The following RALGPS1 variants were observed in gnomAD, a reference collection of about 807,000 sequenced individuals.
The protein encoded by RALGPS1 is Ral GEF with PH domain and SH3 binding motif 1, also known as ras-specific guanine nucleotide-releasing factor RalGPS1.
In RALGPS1, 19 loss-of-function variants were observed where a neutral mutation model predicts 78.8. The ratio of observed to expected loss-of-function variants is 0.24; its 90% CI spans 0.17 to 0.35. The LOEUF (loss-of-function observed/expected upper bound fraction) is 0.35. Among genes scored for constraint, RALGPS1 ranks in the 10% least tolerant of loss-of-function variants. The pLI is 1.00. For missense variants in RALGPS1, 454 were observed against 688.3 expected (o/e 0.66, Z 3.81); for synonymous variants, 228 against 256.3 (o/e 0.89, Z 1.06).
intron 8 of RALGPS1, among the ~76,000 whole-genome samples, chr9:127,092,147 G>A (rs2052564480): frequency 6.6e-6 from 1 of 152,158 alleles, no homozygotes. Context: ...CCCTGTGCCA[G>A]GCATCATGTG....
intron 4 of RALGPS1, among the ~76,000 whole-genome samples, chr9:126,998,719 G>C (rs1027182311): frequency 3.9e-5 from 6 of 152,054 alleles, no homozygotes; most frequent in South Asian, 2.1e-4. Context: ...ACATGCACAC[G>C]TATGTTTATA....
At chr9:126,920,624 AG>A (rs1281035421) in intron 1 of RALGPS1, among the ~76,000 whole-genome samples, 2 of 152,134 alleles carry the variant, frequency 1.3e-5, no homozygotes, top group Admixed American at 1.3e-4. Context: ...GGCTTCTGTG[AG>A]GAGTGTTTCT....
At chr9:127,017,251 G>A (rs956091420) in intron 4 of RALGPS1, among the ~76,000 whole-genome samples, 3 of 152,194 alleles carry the variant, frequency 2.0e-5, no homozygotes, top group African/African-American at 7.2e-5. Flanking sequence ...ATACATTTAG[G>A]TGATACGGCA....
intron 2 of RALGPS1, among the ~76,000 whole-genome samples, chr9:126,964,290 A>G: frequency 6.7e-6 from 1 of 148,428 alleles, no homozygotes; most frequent in East Asian, 2.0e-4. Flanking sequence ...AATCACTTGA[A>G]CCCAGCATGT....
chr9:126,932,131 G>T (rs556626647), intron 1 of RALGPS1, among the ~76,000 whole-genome samples: 1 of 152,204 alleles, frequency 6.6e-6, no homozygotes, highest in African/African-American at 2.4e-5. Flanking sequence ...CATTGGGTCT[G>T]TGAACTTGAG....
chr9:126,956,498 C>T (rs1296623257), intron 1 of RALGPS1, among the ~76,000 whole-genome samples: 1 of 152,192 alleles, frequency 6.6e-6, no homozygotes, highest in Non-Finnish European at 1.5e-5. Context: ...GAAACAAGTG[C>T]TCTGTCTTTC....
intron 1 of RALGPS1, among the ~76,000 whole-genome samples, chr9:126,927,732 C>A (rs952527149): frequency 6.6e-6 from 1 of 152,284 alleles, no homozygotes; most frequent in African/African-American, 2.4e-5. Context: ...TCCGCTGAAG[C>A]CAGAAAGTTG....
intron 4 of RALGPS1, among the ~76,000 whole-genome samples, chr9:127,000,568 G>A (rs1449409892): frequency 2.8e-5 from 2 of 70,948 alleles, no homozygotes; most frequent in African/African-American, 1.4e-4. Context: ...TTTTTTTTGA[G>A]ATGGAGTTTC....
At chr9:127,116,778 A>G (rs2055472233) in intron 8 of RALGPS1, among the ~76,000 whole-genome samples, 1 of 152,216 alleles carries the variant, frequency 6.6e-6, no homozygotes, top group Non-Finnish European at 1.5e-5. Context: ...TGTCTGCCTC[A>G]CTGATCCCGG....
At chr9:127,071,233 T>C (rs913566381) in intron 8 of RALGPS1, among the ~76,000 whole-genome samples, 1 of 152,120 alleles carries the variant, frequency 6.6e-6, no homozygotes, top group Non-Finnish European at 1.5e-5. Context: ...CAGAGGTTTG[T>C]CTATTGGTCT....
At position 127,047,985 on chromosome 9, in the gene RALGPS1, C is replaced by T. The variant is rs201708647; in HGVS notation, c.301-2058C>T. ...TCTTCCCATGTCCTTCAGCATGGCA[C>T]TGGCTCAGACCTCCTCATCTCTCAC... On this transcript the variant is annotated intron_variant, in intron 5 of 18. Coordinates refer to ENST00000259351, the MANE Select transcript of RALGPS1 (RefSeq NM_014636.3). 4.6e-5 allele frequency among the ~76,000 whole-genome samples: 7 copies of T among 152,222 alleles called. No homozygotes were observed. The East Asian group carries it at 1.3e-3, about 29-fold the overall frequency.
chr9:127,012,809 T>C (rs1009813642), intron 4 of RALGPS1, among the ~76,000 whole-genome samples: 4 of 152,194 alleles, frequency 2.6e-5, no homozygotes, highest in African/African-American at 9.7e-5. Flanking sequence ...CTGCTTGGGA[T>C]GGTGGCTTCA....
In RALGPS1 at chr9:127,100,584, G is replaced by A. The variant is rs566650614; in HGVS notation, c.610+31228G>A. ...CTTGGCTCCCTGGGGGCAGTGGCCA[G>A]TTGTACCCAAGGCTTCCTGGGTGAG... On this transcript the variant is annotated intron_variant, in intron 8 of 18. Coordinates refer to ENST00000259351, the MANE Select transcript of RALGPS1 (RefSeq NM_014636.3). Among the ~76,000 whole-genome samples the A allele has an allele frequency of 5.3e-5, 8 of 152,332 alleles. No individual in the cohort carries two copies. The South Asian group carries it at 1.2e-3, about 24-fold the overall frequency.
At chr9:127,150,524 C>A (rs1023804684) in intron 8 of RALGPS1, among the ~76,000 whole-genome samples, 4 of 152,220 alleles carry the variant, frequency 2.6e-5, no homozygotes, top group African/African-American at 9.6e-5. Flanking sequence ...ACAGCTGCAT[C>A]AGGTGCAGCC....
chr9:126,958,405 C>T (rs1402700767), intron 1 of RALGPS1, among the ~76,000 whole-genome samples: 1 of 152,140 alleles, frequency 6.6e-6, no homozygotes, highest in African/African-American at 2.4e-5. Context: ...CCCTCAGAAA[C>T]TCCTGTGTCC....
At chr9:126,950,910 T>A (rs1235459384) in intron 1 of RALGPS1, among the ~76,000 whole-genome samples, 2 of 151,242 alleles carry the variant, frequency 1.3e-5, no homozygotes, top group African/African-American at 4.9e-5. Flanking sequence ...ACAAAATTGA[T>A]AGACTGCTAG....
intron 1 of RALGPS1, among the ~76,000 whole-genome samples, chr9:126,942,813 C>T (rs1231362888): frequency 6.6e-6 from 1 of 152,066 alleles, no homozygotes; most frequent in Non-Finnish European, 1.5e-5. Flanking sequence ...CTCCTTATTC[C>T]AGGGAGTGAA....
chr9:127,133,037 G>A (rs1036767718), intron 8 of RALGPS1, among the ~76,000 whole-genome samples: 1 of 152,226 alleles, frequency 6.6e-6, no homozygotes. Flanking sequence ...GGATGAAAAA[G>A]CACCTACTTC....
intron 8 of RALGPS1, among the ~76,000 whole-genome samples, chr9:127,163,876 T>G (rs2059151308): frequency 6.6e-6 from 1 of 152,248 alleles, no homozygotes; most frequent in Non-Finnish European, 1.5e-5. Flanking sequence ...CTTAGTTGTT[T>G]AATAGTAAAT....
Sources: gnomAD v4.1 joint callset for allele counts (sites outside exome capture counted in the v4.1 genomes callset) on GRCh38, gnomAD v4.1.1 for gene constraint, MANE v1.5 for transcripts, NCBI Gene and HGNC (gene_info 2026-07-23, HGNC 2026-07-21) for gene names.